The following PRRC2B variants were observed in gnomAD, a reference collection of about 807,000 sequenced individuals.
PRRC2B encodes protein PRRC2B.
A neutral mutation model predicts 242.3 loss-of-function variants in PRRC2B; 68 were observed. The ratio of observed to expected loss-of-function variants is 0.28; its 90% CI spans 0.23 to 0.34. The LOEUF is 0.34. Among genes scored for constraint, PRRC2B ranks in the 10% least tolerant of loss-of-function variants. The pLI is 1.00. For synonymous variants in PRRC2B, 1,228 were observed against 1,173.6 expected (o/e 1.05, Z -0.95); for missense variants, 2,835 against 2,954.8 (o/e 0.96, Z 0.94).
At chr9:131,374,085 T>C (rs2131259491) in intron 1 of PRRC2B, among the ~76,000 whole-genome samples, 2 of 150,774 alleles carry the variant, frequency 1.3e-5, no homozygotes, top group Middle Eastern at 7.0e-3. Flanking sequence ...AAATCGCTCG[T>C]CTACAAAGAA....
chr9:131,476,038 C>G lies in PRRC2B; in HGVS notation c.3909C>G (p.Arg1303=), dbSNP rs186395327. 2 of 1,604,790 alleles carry G rather than the reference C, an allele frequency of 1.2e-6. No individual in the cohort carries two copies. The highest frequency in any genetic ancestry group is 8.5e-7 in the Non-Finnish European group (1 of 1,174,044). The change falls in exon 16 of 32, where the codon CGC becomes CGG. Residue 1303 remains arginine (R), a synonymous_variant. Coordinates refer to ENST00000683519, the MANE Select transcript of PRRC2B (RefSeq NM_013318.4). The part of the protein sequence containing the change: ...NAENRPFRRR[R]PPRQDKPPRF... ...AGAACCGGCCCTTCAGGAGAAGGCG[C>G]CCCCCACGCCAAGATAAGCCCCCTC...
Position 131,447,767 on chromosome 9 carries a change from T to C in PRRC2B, c.1083T>C (p.Leu361=). ...TCAATGCGGAAAACCTGAAGGGCCT[T>C]GACGATCTGGACGCCGATGCCGATG... ...TIINAENLKG[L]DDLDADADDG... is the part of the protein sequence containing the mutation. The change falls in exon 9 of 32, where the codon CTT becomes CTC. Residue 361 remains leucine, a synonymous_variant. Transcript: ENST00000683519. The C allele has an allele frequency of 1.9e-6, 3 of 1,613,672 alleles. No individual in the cohort carries two copies. The highest frequency in any genetic ancestry group is 2.5e-6 in the Non-Finnish European group (3 of 1,179,706).
At chr9:131,409,215 T>C (rs1837444156) in intron 1 of PRRC2B, among the ~76,000 whole-genome samples, 1 of 151,964 alleles carries the variant, frequency 6.6e-6, no homozygotes, top group Non-Finnish European at 1.5e-5. Context: ...AGAGATGGGG[T>C]TTCTCCATGT....
At position 131,498,132 on chromosome 9, in the gene PRRC2B, A is replaced by G. The variant is rs1480601237; in HGVS notation, c.*2258A>G. The stretch of plus-strand genomic sequence containing the variant: ...ACCCACAGTACTTGCTGTTTGAGAA[A>G]AAATAAAAACAAAAAGGTCACCTGT... On this transcript the variant is annotated 3_prime_UTR_variant, in exon 32 of 32. Transcript: ENST00000683519. The G allele has an allele frequency of 3.9e-5, 6 of 152,206 alleles. No individual in the cohort carries two copies. Among genetic ancestry groups the G allele is most frequent in the African/African-American group, 1.4e-4 (6 of 41,442 alleles). 9.4% of individuals were successfully genotyped at this position (152,206 alleles called of 1,614,324 possible). A position where few individuals can be genotyped will look rare whatever the true frequency, so the allele number is the denominator to read the frequency against.
At chr9:131,495,174 C>A (rs56179037) in intron 31 of PRRC2B, among the ~76,000 whole-genome samples, 1 of 152,082 alleles carries the variant, frequency 6.6e-6, no homozygotes, top group Admixed American at 6.5e-5. Context: ...TCTGTGACTT[C>A]CCCACCCCAC....
At chr9:131,400,399 A>G (rs1456970637) in intron 1 of PRRC2B, among the ~76,000 whole-genome samples, 1 of 151,288 alleles carries the variant, frequency 6.6e-6, no homozygotes, top group Non-Finnish European at 1.5e-5. Flanking sequence ...GCTCACTGCA[A>G]CCTCCACTTC....
rs1352600165 is a variant in PRRC2B, at chr9:131,482,494, G to A, written c.5107G>A (p.Gly1703Arg). 13 of 1,611,502 alleles carry A rather than the reference G, an allele frequency of 8.1e-6. No homozygotes were observed. The highest frequency in any genetic ancestry group is 1.1e-5 in the Non-Finnish European group (13 of 1,177,904). Residue 1703 changes from glycine to arginine, a missense_variant, in exon 21 of 32, where the codon GGG (glycine) becomes AGG (arginine). Gly to Arg is a moderately radical substitution (Grantham distance 125). Around this residue, in one of 7 missense-constraint regions of PRRC2B, gnomAD observed 51 missense variants for 45.1 expected, o/e 1.13. Coordinates refer to ENST00000683519, the MANE Select transcript of PRRC2B (RefSeq NM_013318.4). This position sits in a 1 kb window ranked among gnomAD's most constrained non-coding sequence, Gnocchi z 5.2. The stretch of plus-strand genomic sequence containing the variant: ...GACTCTGAAGCCAGAGGAGATGAGC[G>A]GGCCCGGCCTGGCGGAACCCAAGGC... ...YGTLKPEEMSGPGLAEPKADS... is the reference protein window; with the variant it reads ...YGTLKPEEMSRPGLAEPKADS...
In PRRC2B at chr9:131,494,574, G is replaced by A; in HGVS notation, c.6555+88G>A. The A allele has an allele frequency of 1.4e-6, 1 of 715,270 alleles. No homozygotes were observed. Among genetic ancestry groups the A allele is most frequent in the East Asian group, 3.0e-5 (1 of 33,762 alleles). The allele number at this position is 715,270 out of a possible 1,614,324, so 44.3% of individuals were successfully genotyped here. On this transcript the variant is annotated intron_variant, in intron 31 of 31. Coordinates refer to ENST00000683519, the MANE Select transcript of PRRC2B (RefSeq NM_013318.4). This position sits in a 1 kb window ranked among gnomAD's most constrained non-coding sequence, Gnocchi z 4.3. Reference sequence around the variant, plus strand: ...AGAGAAGGGACTGTCCAACCTATCTGAGCGCCCCCTGTCTAAAGACAGCCA... The same window carrying A: ...AGAGAAGGGACTGTCCAACCTATCTAAGCGCCCCCTGTCTAAAGACAGCCA...
intron 25 of PRRC2B, chr9:131,485,766 T>A (rs750393977): frequency 3.4e-5 from 21 of 620,208 alleles, no homozygotes; most frequent in South Asian, 2.9e-4. Context: ...GCAGCCCTGG[T>A]TAAAGTAGAA....
chr9:131,473,457 G>T, intron 14 of PRRC2B, 51 bp from the exon 15 acceptor site: 1 of 1,419,344 alleles, frequency 7.0e-7, no homozygotes, highest in South Asian at 1.3e-5. Context: ...CCTGAGATTG[G>T]AGCAGGGCTT....
In PRRC2B at chr9:131,374,058, C is replaced by CAA. The variant is rs533611596; in HGVS notation, c.-56+345_-56+346dup. 5.8e-3 allele frequency among the ~76,000 whole-genome samples: 505 copies of CAA among 87,780 alleles called. 5 individuals carry two copies. Among genetic ancestry groups the CAA allele is most frequent in the African/African-American group, 0.014 (319 of 22,826 alleles). 57.6% of individuals were successfully genotyped at this position (87,780 alleles called of 152,430 possible). On this transcript the variant is annotated intron_variant, in intron 1 of 1. Transcript: ENST00000682525. ...TGGGCGACAGAGCGAGACTCCGTCT[C>CAA]AAAAAAAAAAAAAAAAAAATCGCTC... is the stretch of plus-strand genomic sequence containing the variant.
Position 131,446,889 on chromosome 9 carries a change from C to G in PRRC2B, c.856-196C>G, listed in dbSNP as rs192945059. ...TAGAAACAGGAGAGGCAGGTTTTCCCTGACATAGGTCCCCAAGTCTACTTA... is the reference window on the plus strand; with the variant it reads ...TAGAAACAGGAGAGGCAGGTTTTCCGTGACATAGGTCCCCAAGTCTACTTA... On this transcript the variant is annotated intron_variant, in intron 7 of 31. Transcript: ENST00000683519. This position sits in a 1 kb window ranked among gnomAD's most constrained non-coding sequence, Gnocchi z 4.1. 3.9e-5 allele frequency among the ~76,000 whole-genome samples: 6 copies of G among 152,288 alleles called. No homozygotes were observed. Among genetic ancestry groups the G allele is most frequent in the Non-Finnish European group, 5.9e-5 (4 of 68,032 alleles).
intron 28 of PRRC2B, chr9:131,491,223 G>A: frequency 1.9e-6 from 1 of 522,264 alleles, no homozygotes; most frequent in Non-Finnish European, 3.3e-6. Flanking sequence ...AAGAAGACGT[G>A]CCTCTGCCAT....
rs1212810864 is a variant in PRRC2B, at chr9:131,446,193, C to CA, written c.614-207dup. On this transcript the variant is annotated intron_variant, in intron 6 of 31. Transcript: ENST00000683519. This position sits in a 1 kb window ranked among gnomAD's most constrained non-coding sequence, Gnocchi z 4.1. ...TAGATCTCATTTTATATTTCACAGT[C>CA]AGACTTCCCTCAGCAAGTTCATCCT... Among the ~76,000 whole-genome samples the CA allele has an allele frequency of 6.6e-6, 1 of 151,352 alleles. No homozygotes were observed. The highest frequency in any genetic ancestry group is 2.4e-5 in the African/African-American group (1 of 41,102).
At chr9:131,411,206 GAGATC>G (rs1384733417) in intron 1 of PRRC2B, among the ~76,000 whole-genome samples, 2 of 151,812 alleles carry the variant, frequency 1.3e-5, no homozygotes, top group African/African-American at 4.8e-5. Context: ...GCAGTGAGCC[GAGATC>G]ACGCCACTGT....
At chr9:131,392,796 C>T (rs1241900113), upstream of PRRC2B, among the ~76,000 whole-genome samples, 2 of 151,874 alleles carry the variant, frequency 1.3e-5, no homozygotes, top group South Asian at 2.1e-4. Flanking sequence ...GTCTGTAATC[C>T]CAGCTACTCA....
chr9:131,406,514 C>T (rs1351339115), intron 1 of PRRC2B, among the ~76,000 whole-genome samples: 4 of 152,268 alleles, frequency 2.6e-5, no homozygotes, highest in East Asian at 3.9e-4. Flanking sequence ...CTGACTTGAC[C>T]TCAGGCCGAC....
chr9:131,463,053 C>T (rs1208864789), intron 11 of PRRC2B, among the ~76,000 whole-genome samples: 1 of 151,848 alleles, frequency 6.6e-6, no homozygotes, highest in African/African-American at 2.4e-5. Context: ...GTATTGAATC[C>T]CATGGGATAA....
At position 131,494,426 on chromosome 9, in the gene PRRC2B, TG is replaced by T; in HGVS notation, c.6498del (p.Lys2167SerfsTer33). On this transcript the variant is annotated frameshift_variant, in exon 31 of 32. Transcript: ENST00000683519. LOFTEE classifies it high-confidence loss of function. This position sits in a 1 kb window ranked among gnomAD's most constrained non-coding sequence, Gnocchi z 4.3. ...TYRPSSASPSGKPSGSAVNMG... is the reference protein window; with the variant it reads ...TYRPSSASPSXKPSGSAVNMG... The stretch of plus-strand genomic sequence containing the variant: ...TCAGGCCTAGCTCTGCTAGCCCCAG[TG>T]GGAAGCCCTCTGGATCAGCAGTTAA... 1 of 1,601,682 alleles carries T rather than the reference TG, an allele frequency of 6.2e-7. No homozygotes were observed. Among genetic ancestry groups the T allele is most frequent in the Non-Finnish European group, 8.5e-7 (1 of 1,172,436 alleles).
Sources: allele counts gnomAD v4.1 joint callset (sites outside exome capture counted in the v4.1 genomes callset), GRCh38; gene constraint gnomAD v4.1.1; regional missense constraint gnomAD v4.1.1; non-coding constraint Gnocchi (gnomAD v3.1); transcripts MANE v1.5; gene names NCBI Gene and HGNC (gene_info 2026-07-23, HGNC 2026-07-21).